Variants in SH3GL1 observed in about 807,000 individuals in gnomAD.
The protein encoded by SH3GL1 is SH3 domain containing GRB2 like 1, endophilin A2.
A neutral mutation model predicts 48.8 loss-of-function variants in SH3GL1; 21 were observed. The ratio of observed to expected loss-of-function variants is 0.43; its 90% CI spans 0.30 to 0.62. SH3GL1 has a LOEUF of 0.62. SH3GL1 is among the 20% of genes least tolerant of loss of function. The pLI is 0.11. For synonymous variants in SH3GL1, 282 were observed against 217.5 expected, an observed-to-expected ratio of 1.30 and a Z score of -2.61; for missense variants, 454 against 503.0, an observed-to-expected ratio of 0.90 and a Z score of 0.93.
intron 1 of SH3GL1, among the ~76,000 whole-genome samples, chr19:4,397,222 G>A (rs1173405543): frequency 6.6e-6 from 1 of 152,190 alleles, no homozygotes; most frequent in Non-Finnish European, 1.5e-5. Context: ...ACTTCTAAGA[G>A]CACGACTCAG....
In SH3GL1 at chr19:4,362,428, C is replaced by G. The variant is rs372522027; in HGVS notation, c.854-43G>C. On this transcript the variant is annotated intron_variant, in intron 8 of 9. Coordinates refer to ENST00000269886, the MANE Select transcript of SH3GL1 (RefSeq NM_003025.4). ...GAGGAGGCTGTGGGCTCAAAACGGT[C>G]GGGCAGGGCCCCTTCTGCAGAAGGC... 8.8e-6 allele frequency: 14 copies of G among 1,591,900 alleles called. No individual in the cohort carries two copies. In the African/African-American group the frequency reaches 1.2e-4, roughly 14 times the overall value.
At position 4,364,231 on chromosome 19, in the gene SH3GL1, AGTG is replaced by A. The variant is rs781676174; in HGVS notation, c.332-13_332-11del. On this transcript the variant is annotated splice_polypyrimidine_tract_variant and intron_variant, in intron 4 of 9. Coordinates refer to ENST00000269886, the MANE Select transcript of SH3GL1 (RefSeq NM_003025.4). ...TCCAGCAATGCGTCACCTGTGGAGA[AGTG>A]GTGGGGGAAGCCATCATACCGGGCC... The A allele has an allele frequency of 8.1e-6, 13 of 1,613,654 alleles. No individual in the cohort carries two copies. The highest frequency in any genetic ancestry group is 6.7e-5 in the African/African-American group (5 of 74,918).
chr19:4,384,550 T>C (rs1444834723), intron 1 of SH3GL1, among the ~76,000 whole-genome samples: 1 of 152,172 alleles, frequency 6.6e-6, no homozygotes, highest in Non-Finnish European at 1.5e-5. Context: ...TGGCTATTCA[T>C]GGGCATAGTC....
At chr19:4,364,863 TA>T (rs1972728962) in intron 4 of SH3GL1, among the ~76,000 whole-genome samples, 2 of 121,776 alleles carry the variant, frequency 1.6e-5, no homozygotes, top group African/African-American at 3.2e-5. Context: ...CACACCCGGC[TA>T]ATTGTGTGTG....
chr19:4,386,182 A>G (rs1973231251), intron 1 of SH3GL1, among the ~76,000 whole-genome samples: 1 of 152,044 alleles, frequency 6.6e-6, no homozygotes, highest in African/African-American at 2.4e-5. Context: ...AACAATCGGG[A>G]CTCTGATGAG....
chr19:4,384,491 T>C (rs1944727931), intron 1 of SH3GL1, among the ~76,000 whole-genome samples: 1 of 152,246 alleles, frequency 6.6e-6, no homozygotes, highest in Admixed American at 6.5e-5. Context: ...TGGCTATTTT[T>C]CTTTTTTTGA....
chr19:4,365,533 C>T lies in SH3GL1; in HGVS notation c.280G>A (p.Gly94Ser), dbSNP rs1568408718. ...PGYPQSEGLL[G>S]ECMIRHGKEL... The stretch of plus-strand genomic sequence containing the variant: ...TTCCCGTGGCGGATCATGCACTCGC[C>T]CAGAAGCCCCTCCGACTGCGGGTAG... Residue 94 changes from glycine (G) to serine (S), a missense_variant, in exon 4 of 10, where the codon GGC (glycine) becomes AGC (serine). Physicochemically the swap from Gly to Ser is moderately conservative, Grantham distance 56. Coordinates refer to ENST00000269886, the MANE Select transcript of SH3GL1 (RefSeq NM_003025.4). 2 of 1,614,022 alleles carry T rather than the reference C, an allele frequency of 1.2e-6. No homozygotes were observed. The highest frequency in any genetic ancestry group is 8.5e-7 in the Non-Finnish European group (1 of 1,180,034).
chr19:4,381,602 C>T (rs111971269), intron 1 of SH3GL1, among the ~76,000 whole-genome samples: 29 of 60,518 alleles, frequency 4.8e-4, no homozygotes, highest in South Asian at 1.5e-3. Flanking sequence ...ACCCTGCCTC[C>T]GTCTCCCCTG....
At chr19:4,385,909 C>T (rs1973226921) in intron 1 of SH3GL1, among the ~76,000 whole-genome samples, 2 of 152,190 alleles carry the variant, frequency 1.3e-5, no homozygotes, top group East Asian at 1.9e-4. Context: ...CAAGGCTCCT[C>T]GTGGGTGGAA....
At chr19:4,399,385 G>A (rs1264242417) in intron 1 of SH3GL1, among the ~76,000 whole-genome samples, 1 of 150,612 alleles carries the variant, frequency 6.6e-6, no homozygotes, top group African/African-American at 2.4e-5. Flanking sequence ...AGTCCTGGGG[G>A]ACAGGAAAGG....
chr19:4,383,422 C>CGG (rs945359544), intron 1 of SH3GL1, among the ~76,000 whole-genome samples: 58 of 151,870 alleles, frequency 3.8e-4, no homozygotes, highest in Admixed American at 5.9e-4. Context: ...TTTGTAGAGA[C>CGG]GGGGTTTCAC....
chr19:4,378,427 C>A (rs988130682), intron 1 of SH3GL1, among the ~76,000 whole-genome samples: 2 of 152,128 alleles, frequency 1.3e-5, no homozygotes, highest in African/African-American at 2.4e-5. Flanking sequence ...AAACTACACA[C>A]CACCAGGCCA....
At position 4,380,547 on chromosome 19, in the gene SH3GL1, C is replaced by G. The variant is rs187497610; in HGVS notation, c.46-13553G>C. Among the ~76,000 whole-genome samples the G allele has an allele frequency of 4.0e-3, 609 of 152,200 alleles. 5 individuals are homozygous for G. Among genetic ancestry groups the G allele is most frequent in the African/African-American group, 0.014 (594 of 41,524 alleles). On this transcript the variant is annotated intron_variant, in intron 1 of 9. Coordinates refer to ENST00000269886, the MANE Select transcript of SH3GL1 (RefSeq NM_003025.4). The stretch of plus-strand genomic sequence containing the variant: ...GCCCAGGACAAGGTTTGGAAGTGCC[C>G]GTTTGGAAGATGTGGGAGGGCGTCA...
chr19:4,394,325 C>T (rs1286942848), intron 1 of SH3GL1, among the ~76,000 whole-genome samples: 1 of 152,092 alleles, frequency 6.6e-6, no homozygotes, highest in Non-Finnish European at 1.5e-5. Context: ...CATTCTTTCA[C>T]CCTCCTTAGT....
chr19:4,392,685 G>T (rs895891903), intron 1 of SH3GL1, among the ~76,000 whole-genome samples: 12 of 152,144 alleles, frequency 7.9e-5, no homozygotes, highest in Non-Finnish European at 1.8e-4. Context: ...CGTGGCTCAG[G>T]CCTGTAATCC....
At chr19:4,382,205 C>T (rs1266285768) in intron 1 of SH3GL1, among the ~76,000 whole-genome samples, 1 of 151,640 alleles carries the variant, frequency 6.6e-6, no homozygotes, top group Non-Finnish European at 1.5e-5. Flanking sequence ...TTCTCTCTTC[C>T]GTTGTCTCAG....
At chr19:4,377,648 C>A (rs1973036424) in intron 1 of SH3GL1, among the ~76,000 whole-genome samples, 3 of 152,236 alleles carry the variant, frequency 2.0e-5, no homozygotes, top group Non-Finnish European at 2.9e-5. Flanking sequence ...TAGGTGCCAG[C>A]AGCTGTCACC....
At chr19:4,368,931 G>A (rs1426550108) in intron 1 of SH3GL1, among the ~76,000 whole-genome samples, 11 of 152,158 alleles carry the variant, frequency 7.2e-5, no homozygotes, top group Non-Finnish European at 1.6e-4. Flanking sequence ...AATTAGCCGG[G>A]CCTGATGGCG....
Position 4,366,563 on chromosome 19 carries a change from A to G in SH3GL1, c.125T>C (p.Val42Ala), listed in dbSNP as rs1446140246. The change falls in exon 3 of 10, where the codon GTC (valine) becomes GCC (alanine). Residue 42 changes from valine (V) to alanine (A), a missense_variant. Val to Ala is a moderately conservative substitution (Grantham distance 64). Transcript: ENST00000269886. ...DFKEMEKKVD[V>A]TSKAVTEVLA... ...CACTTCTGTCACCGCCTTGCTGGTG[A>G]CATCCACCTTCTGTGAAGAGAAGCA... is the stretch of plus-strand genomic sequence containing the variant. 6.2e-7 allele frequency: 1 copy of G among 1,612,058 alleles called. No individual in the cohort carries two copies. Among genetic ancestry groups the G allele is most frequent in the South Asian group, 1.1e-5 (1 of 90,838 alleles).
Sources: allele counts gnomAD v4.1 joint callset (sites outside exome capture counted in the v4.1 genomes callset), GRCh38; gene constraint gnomAD v4.1.1; transcripts MANE v1.5; gene names NCBI Gene and HGNC (gene_info 2026-07-23, HGNC 2026-07-21).